Variants in MAPK10 observed in about 807,000 individuals in gnomAD.
MAPK10 encodes mitogen-activated protein kinase 10.
In MAPK10, 25 loss-of-function variants were observed where a neutral mutation model predicts 59.3. The ratio of observed to expected loss-of-function variants is 0.42; its 90% CI spans 0.31 to 0.59. The LOEUF (loss-of-function observed/expected upper bound fraction) is 0.59. MAPK10 is among the 20% of genes least tolerant of loss of function. The probability of loss-of-function intolerance (pLI) is 0.15; values close to 1 mark genes in which losing one functional copy is unlikely to be tolerated. For missense variants in MAPK10, 351 were observed against 568.9 expected, an observed-to-expected ratio of 0.62 and a Z score of 3.90; for synonymous variants, 190 against 200.5, an observed-to-expected ratio of 0.95 and a Z score of 0.44.
chr4:86,395,262 T>C (rs1742761986), intron 1 of MAPK10, among the ~76,000 whole-genome samples: 1 of 152,206 alleles, frequency 6.6e-6, no homozygotes, highest in Non-Finnish European at 1.5e-5. Flanking sequence ...CTATTTAGTG[T>C]ATATAAAAAT....
At chr4:86,194,519 T>A (rs1464181081) in intron 2 of MAPK10, 112 bp from the exon 3 acceptor site, 4 of 698,372 alleles carry the variant, frequency 5.7e-6, no homozygotes, top group Non-Finnish European at 7.7e-6. Flanking sequence ...GCACAACATA[T>A]CTCCAACATA....
At chr4:86,051,867 T>C (rs546417568) in intron 11 of MAPK10, among the ~76,000 whole-genome samples, 25 of 152,272 alleles carry the variant, frequency 1.6e-4, no homozygotes, top group African/African-American at 6.0e-4. Flanking sequence ...ACAAAAATCT[T>C]TGGAGACAAA....
At chr4:86,359,480 A>C (rs1282452440) in intron 1 of MAPK10, among the ~76,000 whole-genome samples, 178 bp downstream of exon 1, 6 of 152,024 alleles carry the variant, frequency 3.9e-5, no homozygotes, top group Admixed American at 3.3e-4. Flanking sequence ...TGTTCTGCAC[A>C]GAGGGAAAAA....
intron 2 of MAPK10, among the ~76,000 whole-genome samples, chr4:86,281,387 C>T (rs908935205): frequency 1.3e-5 from 2 of 151,702 alleles, no homozygotes; most frequent in East Asian, 3.9e-4. Context: ...TGTAATGCCA[C>T]CTACTTGGGA....
chr4:86,324,802 A>G (rs10011429), intron 2 of MAPK10, among the ~76,000 whole-genome samples: 109,899 of 152,080 alleles, frequency 0.72, 40,494 homozygotes, highest in South Asian at 0.9. Context: ...CCTTGCCTCT[A>G]CTTACAATCT....
At chr4:86,369,390 A>G (rs1175122630) in intron 1 of MAPK10, among the ~76,000 whole-genome samples, 3 of 152,126 alleles carry the variant, frequency 2.0e-5, no homozygotes, top group Admixed American at 6.6e-5. Flanking sequence ...CAATCATCTA[A>G]CTAATTGGTG....
intron 2 of MAPK10, 35 bp downstream of exon 2, chr4:86,354,495 T>C (rs1578798094): frequency 2.1e-6 from 2 of 974,786 alleles, no homozygotes; most frequent in Non-Finnish European, 2.7e-6. Context: ...ATCCTAGTTT[T>C]CATGCTAAGG....
At chr4:86,355,569 A>G (rs1672335550) in intron 1 of MAPK10, among the ~76,000 whole-genome samples, 1 of 152,178 alleles carries the variant, frequency 6.6e-6, no homozygotes, top group Non-Finnish European at 1.5e-5. Flanking sequence ...CAAATGGCAG[A>G]AACTGTGTTA....
exon 1 of MAPK10, chr4:86,593,921 TCTC>T (rs1763322383): frequency 6.6e-6 from 1 of 152,192 alleles, no homozygotes; most frequent in Admixed American, 6.5e-5. Flanking sequence ...CATTTTTCAC[TCTC>T]CTCCTCACTC....
At chr4:86,593,839 C>G (rs1324518684) in intron 1 of MAPK10, 1 of 152,188 alleles carries the variant, frequency 6.6e-6, no homozygotes, top group Non-Finnish European at 1.5e-5. Context: ...TTTCAAAGAC[C>G]AAAGCGCCCC....
chr4:86,548,584 T>A (rs1578081033), intron 1 of MAPK10, among the ~76,000 whole-genome samples: 1 of 152,218 alleles, frequency 6.6e-6, no homozygotes, highest in African/African-American at 2.4e-5. Context: ...ACCATCCTCC[T>A]AGTGATAGGT....
At chr4:86,114,111 C>T (rs2057954355) in intron 4 of MAPK10, among the ~76,000 whole-genome samples, 2 of 152,150 alleles carry the variant, frequency 1.3e-5, no homozygotes, top group African/African-American at 4.8e-5. Flanking sequence ...TTAACAGCTC[C>T]TGTAATGTTT....
intron 1 of MAPK10, among the ~76,000 whole-genome samples, chr4:86,464,569 C>T (rs2149062909): frequency 6.6e-6 from 1 of 152,170 alleles, no homozygotes. Context: ...TGCCTGTAAT[C>T]CCAGCACTTT....
intron 9 of MAPK10, chr4:86,082,090 A>T (rs2050782634): frequency 6.6e-6 from 1 of 152,160 alleles, no homozygotes; most frequent in Non-Finnish European, 1.5e-5. Flanking sequence ...TATGTAAAAT[A>T]AATAAAACTA....
intron 2 of MAPK10, among the ~76,000 whole-genome samples, chr4:86,242,714 G>A (rs935669793): frequency 3.0e-4 from 46 of 152,206 alleles, no homozygotes; most frequent in African/African-American, 8.7e-4. Flanking sequence ...GGGGAGAAGC[G>A]CAGCTTGGAG....
intron 2 of MAPK10, among the ~76,000 whole-genome samples, chr4:86,290,742 C>T (rs1430868985): frequency 2.0e-5 from 3 of 152,122 alleles, no homozygotes; most frequent in African/African-American, 4.8e-5. Context: ...AATGAAGCCA[C>T]CATTTACTAT....
chr4:86,110,829 T>A (rs986037895), intron 4 of MAPK10, among the ~76,000 whole-genome samples: 4 of 152,136 alleles, frequency 2.6e-5, no homozygotes, highest in Non-Finnish European at 4.4e-5. Flanking sequence ...GGGCAGTATG[T>A]CCATTTTCAC....
At chr4:86,488,787 A>G (rs745909604) in intron 1 of MAPK10, among the ~76,000 whole-genome samples, 2 of 152,044 alleles carry the variant, frequency 1.3e-5, no homozygotes, top group Non-Finnish European at 2.9e-5. Flanking sequence ...TCATCTTCAA[A>G]CTGCAGTCCT....
At chr4:86,252,474 G>C (rs750441763) in intron 2 of MAPK10, among the ~76,000 whole-genome samples, 3,461 of 138,988 alleles carry the variant, frequency 0.025, 119 homozygotes, top group African/African-American at 0.076. Flanking sequence ...TCAAAGATCA[G>C]ATAGTTGTAG....
Sources: allele counts gnomAD v4.1 joint callset (sites outside exome capture counted in the v4.1 genomes callset), GRCh38; gene constraint gnomAD v4.1.1; transcripts MANE v1.5; gene names NCBI Gene and HGNC (gene_info 2026-07-23, HGNC 2026-07-21).